The following PRKG1 variants were observed in gnomAD, a reference collection of about 807,000 sequenced individuals.
PRKG1 encodes protein kinase cGMP-dependent 1.
A neutral mutation model predicts 88.1 loss-of-function variants in PRKG1; 35 were observed. That is an observed-to-expected ratio of 0.40 (90% CI 0.30 to 0.53). The LOEUF (loss-of-function observed/expected upper bound fraction) is 0.53. Among genes scored for constraint, PRKG1 ranks in the 20% least tolerant of loss-of-function variants. The pLI is 0.59. For missense variants in PRKG1, 540 were observed against 839.8 expected, an observed-to-expected ratio of 0.64 and a Z score of 4.41; for synonymous variants, 303 against 292.5, an observed-to-expected ratio of 1.04 and a Z score of -0.37.
intron 9 of PRKG1, among the ~76,000 whole-genome samples, chr10:52,181,137 C>T (rs994050311): frequency 6.6e-6 from 1 of 152,116 alleles, no homozygotes; most frequent in Non-Finnish European, 1.5e-5. Flanking sequence ...GCCCTCAGGG[C>T]CATTTCTCAG....
At chr10:51,650,108 C>T (rs1840004142) in intron 3 of PRKG1, among the ~76,000 whole-genome samples, 1 of 152,098 alleles carries the variant, frequency 6.6e-6, no homozygotes, top group South Asian at 2.1e-4. Context: ...AGACCAACAA[C>T]TCCTAGAGGT....
chr10:51,465,203 G>A (rs1262012876), intron 2 of PRKG1, among the ~76,000 whole-genome samples: 1 of 152,058 alleles, frequency 6.6e-6, no homozygotes, highest in Non-Finnish European at 1.5e-5. Flanking sequence ...TGGGTCCATA[G>A]ATTTCCTTTA....
At chr10:51,286,289 G>A (rs1425160376) in intron 2 of PRKG1, among the ~76,000 whole-genome samples, 1 of 152,104 alleles carries the variant, frequency 6.6e-6, no homozygotes, top group African/African-American at 2.4e-5. Context: ...ATCTTTCAAA[G>A]GCATCCTTTC....
intron 3 of PRKG1, among the ~76,000 whole-genome samples, chr10:51,653,158 T>C (rs773877530): frequency 1.3e-5 from 2 of 152,208 alleles, no homozygotes; most frequent in Non-Finnish European, 2.9e-5. Flanking sequence ...TTGTGAATAG[T>C]GCTGTAATAA....
intron 4 of PRKG1, among the ~76,000 whole-genome samples, chr10:51,880,024 G>A (rs7914093): frequency 0.33 from 50,104 of 152,082 alleles, 9,384 homozygotes; most frequent in African/African-American, 0.47. Flanking sequence ...GTACCAGCCT[G>A]CACATCCATT....
chr10:51,943,984 G>C (rs1046755823), intron 5 of PRKG1, among the ~76,000 whole-genome samples: 2 of 152,020 alleles, frequency 1.3e-5, no homozygotes, highest in Non-Finnish European at 2.9e-5. Flanking sequence ...GAGTTAGGGA[G>C]GATTCCCTCT....
At chr10:51,831,416 C>T (rs745924560) in intron 4 of PRKG1, among the ~76,000 whole-genome samples, 2 of 151,596 alleles carry the variant, frequency 1.3e-5, no homozygotes, top group African/African-American at 2.4e-5. Context: ...CTATTTTAAA[C>T]TTTTCTCCCT....
At chr10:52,101,997 A>T (rs1216814326) in intron 7 of PRKG1, among the ~76,000 whole-genome samples, 1 of 152,178 alleles carries the variant, frequency 6.6e-6, no homozygotes, top group Non-Finnish European at 1.5e-5. Context: ...TTCTCTATAA[A>T]GATGCTAAAC....
At chr10:51,914,913 A>C (rs553975456) in intron 5 of PRKG1, among the ~76,000 whole-genome samples, 7 of 152,228 alleles carry the variant, frequency 4.6e-5, no homozygotes, top group African/African-American at 1.7e-4. Context: ...TTTTTAAAAA[A>C]GACAAAAAAA....
chr10:51,329,359 T>C (rs61852087), intron 2 of PRKG1, among the ~76,000 whole-genome samples: 593 of 152,306 alleles, frequency 3.9e-3, no homozygotes, highest in Admixed American at 7.0e-3. Flanking sequence ...GCCTTTGTCA[T>C]AAATCAGTTG....
chr10:51,091,422 T>A (rs553855925), intron 1 of PRKG1, among the ~76,000 whole-genome samples: 1 of 152,326 alleles, frequency 6.6e-6, no homozygotes, highest in East Asian at 1.9e-4. Context: ...ATCTGCTTTC[T>A]GTATTTATAA....
At chr10:51,944,449 T>C (rs185738196) in intron 5 of PRKG1, among the ~76,000 whole-genome samples, 4,213 of 152,100 alleles carry the variant, frequency 0.028, 246 homozygotes, top group African/African-American at 0.096. Flanking sequence ...TGTATCTCTA[T>C]TTCCTTCAGT....
chr10:51,683,911 G>A (rs1286886875), intron 3 of PRKG1, among the ~76,000 whole-genome samples: 2 of 152,134 alleles, frequency 1.3e-5, no homozygotes, highest in Non-Finnish European at 2.9e-5. Flanking sequence ...TAGAGAAACT[G>A]GAACCCTCAT....
intron 5 of PRKG1, among the ~76,000 whole-genome samples, chr10:51,920,240 C>T (rs74135043): frequency 0.014 from 2,175 of 152,248 alleles, 59 homozygotes; most frequent in African/African-American, 0.05. Flanking sequence ...TCATCCTTCT[C>T]CTTTCCCTAT....
At chr10:51,284,777 AT>A (rs1165273480) in intron 2 of PRKG1, among the ~76,000 whole-genome samples, 1 of 142,898 alleles carries the variant, frequency 7.0e-6, no homozygotes. Context: ...TTATATATAT[AT>A]TTTTTGTAAC....
chr10:50,991,310 A>AGCCGCCGCCGCC lies in PRKG1; in HGVS notation c.-47_-36dup, dbSNP rs79957958. ...GCTCTCCGCTGCCGGCTGCCGTCCCAGCCGCCGCCGCCGCCGCCGCCGCCG... is the reference window on the plus strand; with the variant it reads ...GCTCTCCGCTGCCGGCTGCCGTCCCAGCCGCCGCCGCCGCCGCCGCCGCCGCCGCCGCCGCCG... On this transcript the variant is annotated 5_prime_UTR_variant, in exon 1 of 18. Transcript: ENST00000401604. The surrounding 1 kb of genome is among the most constrained non-coding windows in gnomAD (Gnocchi z 4.5). The AGCCGCCGCCGCC allele has an allele frequency of 0.043, 59,392 of 1,386,824 alleles. 1,419 individuals are homozygous for AGCCGCCGCCGCC. Among genetic ancestry groups the AGCCGCCGCCGCC allele is most frequent in the East Asian group, 0.085 (2,771 of 32,428 alleles). The allele number at this position is 1,386,824 out of a possible 1,614,324, so 85.9% of individuals were successfully genotyped here.
intron 3 of PRKG1, among the ~76,000 whole-genome samples, chr10:51,503,300 AT>A (rs1841090049): frequency 6.6e-6 from 1 of 152,034 alleles, no homozygotes; most frequent in African/African-American, 2.4e-5. Flanking sequence ...TGAAGGAAAC[AT>A]TTTCTTATAA....
rs143790303 is a variant in PRKG1 at position 52,187,375 on chromosome 10, A to G, written c.1076+25412A>G. On this transcript the variant is annotated intron_variant, in intron 9 of 17. Transcript: ENST00000373980. ...TTACAGTAGTAAAACATGGCATTAT[A>G]TTAAGACAGAAAACACAAAAGAGAT... is the stretch of plus-strand genomic sequence containing the variant. Among the ~76,000 whole-genome samples, 833 of 152,240 alleles carry G rather than the reference A, an allele frequency of 5.5e-3. 27 individuals carry two copies. The highest frequency in any genetic ancestry group is 0.049 in the Admixed American group (748 of 15,294).
At chr10:52,042,380 C>T (rs1177452695) in intron 5 of PRKG1, among the ~76,000 whole-genome samples, 1 of 152,054 alleles carries the variant, frequency 6.6e-6, no homozygotes, top group African/African-American at 2.4e-5. Context: ...AACGGATACA[C>T]AGATGAATGA....
Sources: allele counts gnomAD v4.1 joint callset (sites outside exome capture counted in the v4.1 genomes callset), GRCh38; gene constraint gnomAD v4.1.1; non-coding constraint Gnocchi (gnomAD v3.1); transcripts MANE v1.5; gene names NCBI Gene and HGNC (gene_info 2026-07-23, HGNC 2026-07-21).